The following PCAT7 variants were observed in gnomAD, a reference collection of about 807,000 sequenced individuals.
The protein encoded by PCAT7 is prostate cancer associated transcript 7.
chr9:94,574,184 CAAGATA>C (rs1827295198), intron 3 of PCAT7, among the ~76,000 whole-genome samples: 1 of 152,082 alleles, frequency 6.6e-6, no homozygotes. Flanking sequence ...ATCATTTTCC[CAAGATA>C]AATTCCCAAT....
intron 1 of PCAT7, chr9:94,558,693 C>A: frequency 2.2e-6 from 1 of 463,912 alleles, no homozygotes; most frequent in Non-Finnish European, 3.9e-6. Flanking sequence ...GCCACTGTTT[C>A]TGACAGAAGA....
chr9:94,569,264 G>A (rs1827238552), intron 2 of PCAT7: 1 of 152,312 alleles, frequency 6.6e-6, no homozygotes, highest in African/African-American at 2.4e-5. Flanking sequence ...GTGGTGTCCA[G>A]GCCAGACCGG....
chr9:94,564,932 G>A (rs1339927090), intron 2 of PCAT7, among the ~76,000 whole-genome samples: 3 of 152,074 alleles, frequency 2.0e-5, no homozygotes, highest in East Asian at 1.9e-4. Context: ...GCTAGAAGGA[G>A]GATATTGAAT....
chr9:94,571,355 C>CA (rs1827266493), intron 2 of PCAT7: 3 of 1,226,434 alleles, frequency 2.4e-6, no homozygotes, highest in Non-Finnish European at 3.3e-6. Flanking sequence ...CCCTGGTCCC[C>CA]AAAACAAGTA....
chr9:94,563,453 A>G, intron 2 of PCAT7: 2 of 1,613,544 alleles, frequency 1.2e-6, no homozygotes, highest in African/African-American at 1.3e-5. Context: ...CATAGGGAGC[A>G]CTGCCATCCT....
At chr9:94,566,881 CA>C (rs1451366902) in intron 2 of PCAT7, among the ~76,000 whole-genome samples, 1 of 152,052 alleles carries the variant, frequency 6.6e-6, no homozygotes, top group Non-Finnish European at 1.5e-5. Context: ...TTCATTTTTC[CA>C]TGAACTTTTT....
At chr9:94,562,945 T>TAA (rs1299064564) in intron 2 of PCAT7, among the ~76,000 whole-genome samples, 1 of 152,180 alleles carries the variant, frequency 6.6e-6, no homozygotes. Flanking sequence ...AATGTGTACG[T>TAA]TTACATGCAT....
At chr9:94,573,346 A>G (rs1827287604) in intron 3 of PCAT7, among the ~76,000 whole-genome samples, 1 of 151,764 alleles carries the variant, frequency 6.6e-6, no homozygotes, top group Non-Finnish European at 1.5e-5. Context: ...GCAGCCTCCA[A>G]CTCCTGGGCT....
chr9:94,567,809 G>A (rs4744354), intron 2 of PCAT7: 4,731 of 176,478 alleles, frequency 0.027, 233 homozygotes, highest in African/African-American at 0.1. Context: ...TTACATTGTC[G>A]TATGAGGGAT....
At chr9:94,566,255 G>C (rs1827187921) in intron 2 of PCAT7, among the ~76,000 whole-genome samples, 1 of 152,256 alleles carries the variant, frequency 6.6e-6, no homozygotes, top group African/African-American at 2.4e-5. Flanking sequence ...CAAAGTCTCT[G>C]CAGCACTGTG....
intron 1 of PCAT7, among the ~76,000 whole-genome samples, chr9:94,556,287 A>G (rs1360329262): frequency 1.4e-5 from 2 of 148,100 alleles, no homozygotes; most frequent in East Asian, 2.0e-4. Flanking sequence ...GCCAGGGAGA[A>G]GGGGGAAAAT....
At chr9:94,567,321 C>T (rs765587674) in intron 2 of PCAT7, 23 of 1,614,098 alleles carry the variant, frequency 1.4e-5, no homozygotes, top group Non-Finnish European at 1.8e-5. Context: ...CATCAAAATA[C>T]TTGGCATAGC....
Position 94,563,933 on chromosome 9 carries a change from G to A in PCAT7, n.441+4781G>A, listed in dbSNP as rs374193646. ...GGTAAAGGGCTCAATTCAACAAGAA[G>A]ACTTAACTATCCTAAATAATATGCA... On this transcript the variant is annotated intron_variant and non_coding_transcript_variant, in intron 2 of 8. Transcript: ENST00000647389. Among the ~76,000 whole-genome samples, 15 of 152,282 alleles carry A rather than the reference G, an allele frequency of 9.9e-5. No homozygotes were observed. In the East Asian group the frequency reaches 2.5e-3, roughly 25 times the overall value.
At chr9:94,555,595 A>G (rs1323417314) in intron 1 of PCAT7, among the ~76,000 whole-genome samples, 1 of 144,854 alleles carries the variant, frequency 6.9e-6, no homozygotes, top group Non-Finnish European at 1.5e-5. Context: ...GGGGGGGAAA[A>G]TGGGCGAGCA....
intron 1 of PCAT7, among the ~76,000 whole-genome samples, chr9:94,555,975 A>G (rs971418384): frequency 2.4e-4 from 36 of 150,358 alleles, no homozygotes; most frequent in African/African-American, 7.8e-4. Context: ...AGACTTTGTG[A>G]AAAGATGGGG....
chr9:94,566,391 G>A (rs1194362985), intron 2 of PCAT7, among the ~76,000 whole-genome samples: 3 of 152,272 alleles, frequency 2.0e-5, no homozygotes, highest in African/African-American at 7.2e-5. Flanking sequence ...ACAAACAATA[G>A]CACGAGTGAT....
chr9:94,569,020 G>A (rs560888247), intron 2 of PCAT7: 1 of 152,378 alleles, frequency 6.6e-6, no homozygotes, highest in Non-Finnish European at 1.5e-5. Context: ...AGGTGCACGA[G>A]TGATGGTCTT....
intron 2 of PCAT7, among the ~76,000 whole-genome samples, chr9:94,559,402 G>A (rs7035381): frequency 0.44 from 67,070 of 152,018 alleles, 15,681 homozygotes; most frequent in Admixed American, 0.54. Flanking sequence ...GCTTATGAGA[G>A]ACCTGCCTCT....
intron 2 of PCAT7, among the ~76,000 whole-genome samples, chr9:94,560,828 G>C (rs563588229): frequency 6.6e-6 from 1 of 150,430 alleles, no homozygotes; most frequent in Non-Finnish European, 1.5e-5. Flanking sequence ...TGATGCCTTT[G>C]GTCTAGGCTG....
Sources: gnomAD v4.1 joint callset for allele counts (sites outside exome capture counted in the v4.1 genomes callset) on GRCh38, gnomAD v4.1.1 for gene constraint, MANE v1.5 for transcripts, NCBI Gene and HGNC (gene_info 2026-07-23, HGNC 2026-07-21) for gene names.